The following AHRR variants were observed in gnomAD, a reference collection of about 807,000 sequenced individuals.
AHRR encodes ahR repressor.
In AHRR, 28 loss-of-function variants were observed where a neutral mutation model predicts 44.0. The ratio of observed to expected loss-of-function variants is 0.64; its 90% CI spans 0.47 to 0.87. The LOEUF (loss-of-function observed/expected upper bound fraction) is 0.87, where lower values mean the gene tolerates loss of function less well. AHRR is among the 40% of genes least tolerant of loss of function. The pLI, the probability that AHRR is intolerant of heterozygous loss-of-function variation, is 0.00. For synonymous variants in AHRR, 434 were observed against 407.0 expected, an observed-to-expected ratio of 1.07 and a Z score of -0.80; for missense variants, 990 against 953.9, an observed-to-expected ratio of 1.04 and a Z score of -0.50.
intron 4 of AHRR, chr5:403,719 T>C (rs559226567): frequency 1.3e-5 from 14 of 1,082,998 alleles, no homozygotes; most frequent in Non-Finnish European, 1.2e-5. Flanking sequence ...GGCATATTTT[T>C]CCGTATTAAA....
At chr5:415,835 C>G (rs1197215510) in intron 5 of AHRR, among the ~76,000 whole-genome samples, 2 of 152,176 alleles carry the variant, frequency 1.3e-5, no homozygotes, top group African/African-American at 2.4e-5. Flanking sequence ...TGAGGCTGCA[C>G]AGTTTTATCC....
chr5:370,386 C>T lies in AHRR; in HGVS notation c.245-6224C>T, dbSNP rs889137411. 6.6e-6 allele frequency among the ~76,000 whole-genome samples: 1 copy of T among 152,154 alleles called. No homozygotes were observed. Among genetic ancestry groups the T allele is most frequent in the South Asian group, 2.1e-4 (1 of 4,832 alleles). ...AGGCGTCGGGGAAGGGTTGGATGGG[C>T]GTCCCAGGCTTCTCAGAGCATCCCA... On this transcript the variant is annotated intron_variant, in intron 3 of 10. Transcript: ENST00000684583. This position sits in a 1 kb window ranked among gnomAD's most constrained non-coding sequence, Gnocchi z 4.5.
intron 4 of AHRR, among the ~76,000 whole-genome samples, chr5:391,781 A>C (rs374949023): frequency 1.3e-3 from 8 of 5,990 alleles, no homozygotes; most frequent in South Asian, 0.011. Flanking sequence ...CAGGGCGAGG[A>C]GGGCGCAGGG....
chr5:348,323 TC>T (rs969289535), intron 2 of AHRR, among the ~76,000 whole-genome samples: 12 of 149,018 alleles, frequency 8.1e-5, no homozygotes, highest in African/African-American at 1.2e-4. Context: ...CCACAGGGAT[TC>T]CCCCCCTCCT....
Position 434,431 on chromosome 5 carries a change from C to A in AHRR, c.1691C>A (p.Ala564Asp), listed in dbSNP as rs61757546. The A allele has an allele frequency of 6.2e-7, 1 of 1,613,346 alleles. No individual in the cohort carries two copies. The highest frequency in any genetic ancestry group is 8.5e-7 in the Non-Finnish European group (1 of 1,179,958). The change falls in exon 11 of 11, where the codon GCC becomes GAC. Residue 564 changes from alanine to aspartate, a missense_variant. Ala to Asp is a moderately radical substitution (Grantham distance 126). Coordinates refer to ENST00000684583, the MANE Select transcript of AHRR (RefSeq NM_001377236.1). ...WLGASDRSHP[A>D]TFPTRMHLKT... is the part of the protein sequence containing the mutation. ...GGGGCCAGTGACAGGAGCCACCCAG[C>A]CACCTTCCCTACCAGGATGCACCTG...
At chr5:372,157 C>G (rs1409097296) in intron 3 of AHRR, among the ~76,000 whole-genome samples, 1 of 152,256 alleles carries the variant, frequency 6.6e-6, no homozygotes, top group African/African-American at 2.4e-5. Context: ...CACACAGCCC[C>G]TCAGTGCCTT....
At position 388,458 on chromosome 5, in the gene AHRR, C is replaced by T. The variant is rs1337712973; in HGVS notation, c.351+11742C>T. On this transcript the variant is annotated intron_variant, in intron 4 of 10. Coordinates refer to ENST00000684583, the MANE Select transcript of AHRR (RefSeq NM_001377236.1). This position sits in a 1 kb window ranked among gnomAD's most constrained non-coding sequence, Gnocchi z 5.2. ...GTGCTGTGAGGTTGTATCTGTCACA[C>T]CCTTGTAAGGAGGGAGCCGGGGTCC... Among the ~76,000 whole-genome samples, 1 of 152,200 alleles carries T rather than the reference C, an allele frequency of 6.6e-6. No homozygotes were observed. Among genetic ancestry groups the T allele is most frequent in the African/African-American group, 2.4e-5 (1 of 41,450 alleles).
chr5:398,898 G>A (rs994161693), intron 4 of AHRR, among the ~76,000 whole-genome samples: 2 of 152,172 alleles, frequency 1.3e-5, no homozygotes, highest in Admixed American at 6.5e-5. Context: ...TTCCCCACCC[G>A]AGGTCACTGG....
intron 4 of AHRR, among the ~76,000 whole-genome samples, chr5:397,670 T>C: frequency 7.9e-6 from 1 of 127,178 alleles, no homozygotes; most frequent in South Asian, 2.8e-4. Flanking sequence ...ACGTAGCCCC[T>C]GACCATCCAT....
intron 1 of AHRR, among the ~76,000 whole-genome samples, chr5:325,433 G>T (rs1741672322): frequency 6.6e-6 from 1 of 152,212 alleles, no homozygotes; most frequent in South Asian, 2.1e-4. Flanking sequence ...GGTGCGGCTT[G>T]GGAGTTTCCT....
At chr5:340,629 A>G (rs1281345501) in intron 1 of AHRR, among the ~76,000 whole-genome samples, 2 of 133,498 alleles carry the variant, frequency 1.5e-5, no homozygotes, top group African/African-American at 5.7e-5. Flanking sequence ...TCAACATAGG[A>G]ATTTTGGGTG....
intron 1 of AHRR, among the ~76,000 whole-genome samples, chr5:336,932 G>A (rs967640576): frequency 1.3e-5 from 2 of 152,034 alleles, no homozygotes; most frequent in Non-Finnish European, 2.9e-5. Flanking sequence ...CCTTGCTCAG[G>A]CTGGCCAGTT....
At chr5:381,101 C>A (rs1056503104) in intron 4 of AHRR, among the ~76,000 whole-genome samples, 2 of 152,236 alleles carry the variant, frequency 1.3e-5, no homozygotes, top group South Asian at 4.1e-4. Context: ...GAACAGAAAG[C>A]AAATTCTCCT....
intron 1 of AHRR, among the ~76,000 whole-genome samples, chr5:322,343 G>T (rs1323951428): frequency 6.6e-6 from 1 of 152,180 alleles, no homozygotes. Context: ...GACCCCTTCT[G>T]GGGAGGGGTC....
At chr5:415,577 T>G (rs368483120) in intron 5 of AHRR, among the ~76,000 whole-genome samples, 356 of 27,342 alleles carry the variant, frequency 0.013, 2 homozygotes, top group East Asian at 0.026. Flanking sequence ...CTGCCTGGTC[T>G]GCTGGGAGGC....
chr5:374,213 C>T (rs1160186977), intron 3 of AHRR, among the ~76,000 whole-genome samples: 1 of 152,108 alleles, frequency 6.6e-6, no homozygotes, highest in African/African-American at 2.4e-5. Context: ...AGGGCCAGCA[C>T]GGGGGTCTCA....
chr5:360,884 G>A (rs1378084490), intron 3 of AHRR, among the ~76,000 whole-genome samples: 1 of 152,122 alleles, frequency 6.6e-6, no homozygotes, highest in Non-Finnish European at 1.5e-5. Context: ...AGAGATACAT[G>A]GAAGGAATTG....
chr5:433,060 C>T (rs536489453), intron 10 of AHRR, 113 bp downstream of exon 10: 2 of 1,295,518 alleles, frequency 1.5e-6, no homozygotes, highest in Admixed American at 2.9e-5. Flanking sequence ...ACGACAGCAG[C>T]CTTGGCCACC....
rs1736937624 is a variant in AHRR at position 434,900 on chromosome 5, C to A, written c.*66C>A. On this transcript the variant is annotated 3_prime_UTR_variant, in exon 11 of 11. Transcript: ENST00000684583. ...CTCAGATGCGTCGGTGGCTGGGCTG[C>A]CCTGCTCCTGGTCAGGCCGGAGCCC... 1.3e-6 allele frequency: 2 copies of A among 1,487,620 alleles called. No homozygotes were observed. The highest frequency in any genetic ancestry group is 1.8e-6 in the Non-Finnish European group (2 of 1,112,666). The allele number at this position is 1,487,620 out of a possible 1,614,324, so 92.2% of individuals were successfully genotyped here.
Sources: allele counts gnomAD v4.1 joint callset (sites outside exome capture counted in the v4.1 genomes callset), GRCh38; gene constraint gnomAD v4.1.1; non-coding constraint Gnocchi (gnomAD v3.1); transcripts MANE v1.5; gene names NCBI Gene and HGNC (gene_info 2026-07-23, HGNC 2026-07-21).